The following DPP6 variants were observed in gnomAD, a reference collection of about 807,000 sequenced individuals.
DPP6 encodes A-type potassium channel modulatory protein DPP6.
A neutral mutation model predicts 122.6 loss-of-function variants in DPP6; 69 were observed. That is an observed-to-expected ratio of 0.56 (90% CI 0.46 to 0.69). The LOEUF (loss-of-function observed/expected upper bound fraction) is 0.69, where lower values mean the gene tolerates loss of function less well. Among genes scored for constraint, DPP6 ranks in the 30% least tolerant of loss-of-function variants. The pLI, the probability that DPP6 is intolerant of heterozygous loss-of-function variation, is 0.00. For synonymous variants in DPP6, 418 were observed against 433.1 expected, an observed-to-expected ratio of 0.97 and a Z score of 0.43; for missense variants, 928 against 1,116.9, an observed-to-expected ratio of 0.83 and a Z score of 2.41.
intron 1 of DPP6, among the ~76,000 whole-genome samples, chr7:154,384,667 A>T (rs1012297036): frequency 6.6e-5 from 10 of 152,192 alleles, no homozygotes; most frequent in Non-Finnish European, 1.3e-4. Context: ...AAAAATGGAA[A>T]GCTCTAGTAA....
At chr7:154,749,151 GA>G (rs1366527132) in intron 8 of DPP6, among the ~76,000 whole-genome samples, 2 of 149,664 alleles carry the variant, frequency 1.3e-5, no homozygotes. Context: ...GCTTTACTGA[GA>G]GAGGGTGAGG....
At chr7:153,914,254 T>C (rs150185535) in intron 1 of DPP6, among the ~76,000 whole-genome samples, 101 of 152,316 alleles carry the variant, frequency 6.6e-4, no homozygotes, top group African/African-American at 2.1e-3. Context: ...CCTTCTGCCA[T>C]GATTGTGAGC....
rs1804934968 is a variant in DPP6 at position 154,877,119 on chromosome 7, CTT to C, written c.2078+1021_2078+1022del. On this transcript the variant is annotated intron_variant, in intron 20 of 25. Coordinates refer to ENST00000377770, the MANE Select transcript of DPP6 (RefSeq NM_130797.4). The surrounding 1 kb of genome is among the most constrained non-coding windows in gnomAD (Gnocchi z 5.2). The stretch of plus-strand genomic sequence containing the variant: ...CGTTTGGAAATTTTTACTCAACTGA[CTT>C]TGAAAACATTTCTCCTCATTTTGAA... 6.6e-6 allele frequency: 1 copy of C among 152,212 alleles called. No individual in the cohort carries two copies. Among genetic ancestry groups the C allele is most frequent in the Non-Finnish European group, 1.5e-5 (1 of 68,046 alleles). The allele number at this position is 152,212 out of a possible 1,614,324, so 9.4% of individuals were successfully genotyped here.
chr7:154,019,242 T>C (rs1015476501), intron 1 of DPP6, among the ~76,000 whole-genome samples: 15 of 152,188 alleles, frequency 9.9e-5, no homozygotes, highest in Non-Finnish European at 1.6e-4. Flanking sequence ...TCATGAATAA[T>C]GAAATGTTTA....
chr7:154,610,713 G>C (rs200455390), intron 5 of DPP6, among the ~76,000 whole-genome samples: 9 of 14,784 alleles, frequency 6.1e-4, no homozygotes, highest in African/African-American at 2.1e-3. Context: ...TTCTCTGTGT[G>C]TGTGTGTGTG....
intron 1 of DPP6, among the ~76,000 whole-genome samples, chr7:153,942,445 C>A (rs1270082723): frequency 6.6e-6 from 1 of 152,208 alleles, no homozygotes; most frequent in Admixed American, 6.5e-5. Flanking sequence ...AGGTGGCCCT[C>A]AGAGGCATTG....
chr7:154,060,687 C>T (rs77328914), intron 1 of DPP6, among the ~76,000 whole-genome samples: 9,409 of 95,514 alleles, frequency 0.099, 11 homozygotes, highest in Non-Finnish European at 0.11. Context: ...TCCCCTCTTC[C>T]GCCCCTGGCT....
At chr7:154,790,846 A>AGGGAG (rs1373989909) in intron 10 of DPP6, among the ~76,000 whole-genome samples, 5 of 12,188 alleles carry the variant, frequency 4.1e-4, no homozygotes, top group Non-Finnish European at 8.1e-4. Flanking sequence ...GGAAGGAGGG[A>AGGGAG]GGGAGGGGAG....
the DPP6 span, among the ~76,000 whole-genome samples, chr7:153,823,224 G>A: frequency 7.3e-6 from 1 of 137,122 alleles, no homozygotes; most frequent in East Asian, 1.9e-4. Flanking sequence ...TAATTTGCAA[G>A]CTCTCCAGTC....
the DPP6 span, among the ~76,000 whole-genome samples, chr7:153,786,891 A>G: frequency 6.8e-6 from 1 of 147,168 alleles, no homozygotes; most frequent in African/African-American, 2.5e-5. Context: ...CAAACATTCT[A>G]GAAATGAATT....
chr7:153,861,096 T>A, the DPP6 span, among the ~76,000 whole-genome samples: 1 of 152,188 alleles, frequency 6.6e-6, no homozygotes, highest in African/African-American at 2.4e-5. Flanking sequence ...AGATAATGCT[T>A]TTTTTTAAAA....
At chr7:154,385,322 C>A (rs1814008515) in intron 1 of DPP6, among the ~76,000 whole-genome samples, 1 of 152,144 alleles carries the variant, frequency 6.6e-6, no homozygotes, top group Admixed American at 6.5e-5. Flanking sequence ...GACACATGCT[C>A]TTGGGTCACT....
intron 3 of DPP6, among the ~76,000 whole-genome samples, chr7:154,493,469 G>T (rs991197740): frequency 3.3e-5 from 5 of 152,038 alleles, no homozygotes; most frequent in Non-Finnish European, 7.4e-5. Context: ...GAGGATTGGT[G>T]GCCCATCGTT....
At chr7:154,533,066 CA>C (rs1827971295) in intron 3 of DPP6, among the ~76,000 whole-genome samples, 1 of 152,174 alleles carries the variant, frequency 6.6e-6, no homozygotes. Context: ...CATTTATTAC[CA>C]TTAGATCACA....
chr7:154,535,000 T>C (rs777004582), intron 3 of DPP6, among the ~76,000 whole-genome samples: 6 of 152,098 alleles, frequency 3.9e-5, no homozygotes, highest in Non-Finnish European at 8.8e-5. Flanking sequence ...CAGTGTGGCA[T>C]TGGCATAAGA....
intron 1 of DPP6, among the ~76,000 whole-genome samples, chr7:154,301,688 A>G (rs1235751190): frequency 6.6e-6 from 1 of 151,874 alleles, no homozygotes; most frequent in Non-Finnish European, 1.5e-5. Flanking sequence ...CTTAAGTACA[A>G]TGTTTGTTCT....
Position 154,564,734 on chromosome 7 carries a change from A to G in DPP6, c.553-2108A>G, listed in dbSNP as rs146525698. ...AGCTTCTATATTTCCAAATTCAACC[A>G]TGTGATAAAGTGTACCTGTGAGCCC... On this transcript the variant is annotated intron_variant, in intron 4 of 25. Transcript: ENST00000377770. Among the ~76,000 whole-genome samples the G allele has an allele frequency of 3.3e-5, 5 of 152,332 alleles. No homozygotes were observed. The East Asian group carries it at 9.6e-4, about 29-fold the overall frequency.
At chr7:153,803,249 G>C in the DPP6 span, among the ~76,000 whole-genome samples, 1 of 148,762 alleles carries the variant, frequency 6.7e-6, no homozygotes, top group Non-Finnish European at 1.5e-5. Flanking sequence ...TTAACTTAAT[G>C]TGTCAACCTG....
At chr7:154,326,841 C>T (rs1401755140) in intron 1 of DPP6, among the ~76,000 whole-genome samples, 1 of 152,098 alleles carries the variant, frequency 6.6e-6, no homozygotes, top group African/African-American at 2.4e-5. Flanking sequence ...AATTCCTGTT[C>T]AATGATTGGA....
Sources: gnomAD v4.1 joint callset for allele counts (sites outside exome capture counted in the v4.1 genomes callset) on GRCh38, gnomAD v4.1.1 for gene constraint, Gnocchi (gnomAD v3.1) non-coding constraint, MANE v1.5 for transcripts, NCBI Gene and HGNC (gene_info 2026-07-23, HGNC 2026-07-21) for gene names.